The following PDE2A variants were observed in gnomAD, a reference collection of about 807,000 sequenced individuals.
The protein encoded by PDE2A is phosphodiesterase 2A, also known as cGMP-dependent 3',5'-cyclic phosphodiesterase.
A neutral mutation model predicts 133.6 loss-of-function variants in PDE2A; 53 were observed. The ratio of observed to expected loss-of-function variants is 0.40; its 90% CI spans 0.32 to 0.50. The LOEUF (loss-of-function observed/expected upper bound fraction) is 0.50, where lower values mean the gene tolerates loss of function less well. Among genes scored for constraint, PDE2A ranks in the 20% least tolerant of loss-of-function variants. The probability of loss-of-function intolerance (pLI) is 0.73; values close to 1 mark genes in which losing one functional copy is unlikely to be tolerated. For synonymous variants in PDE2A, 491 were observed against 490.2 expected (o/e 1.00, Z -0.02); for missense variants, 796 against 1,232.4 (o/e 0.65, Z 5.30).
At chr11:72,629,848 C>T (rs148898919) in intron 2 of PDE2A, among the ~76,000 whole-genome samples, 130 of 152,300 alleles carry the variant, frequency 8.5e-4, no homozygotes, top group African/African-American at 2.9e-3. Flanking sequence ...AATAGCAGCC[C>T]CTACCTCATG....
chr11:72,660,635 G>A (rs1174896915), intron 1 of PDE2A, among the ~76,000 whole-genome samples: 3 of 152,146 alleles, frequency 2.0e-5, no homozygotes, highest in African/African-American at 7.2e-5. Flanking sequence ...CAATCCTGCA[G>A]CTAAGAAGTA....
chr11:72,640,024 A>G lies in PDE2A; in HGVS notation c.144+2230T>C, dbSNP rs193129255. On this transcript the variant is annotated intron_variant, in intron 2 of 30. Coordinates refer to ENST00000334456, the MANE Select transcript of PDE2A (RefSeq NM_002599.5). ...TTCTACAGTCCTCAACACCCCCAACACACACACCGCCAGCTCACTGGCCAT... is the reference window on the plus strand; with the variant it reads ...TTCTACAGTCCTCAACACCCCCAACGCACACACCGCCAGCTCACTGGCCAT... Among the ~76,000 whole-genome samples, 37 of 151,988 alleles carry G rather than the reference A, an allele frequency of 2.4e-4. No individual in the cohort carries two copies. In the East Asian group the frequency reaches 6.6e-3, roughly 27 times the overall value.
At chr11:72,606,327 C>G (rs918701386) in intron 3 of PDE2A, among the ~76,000 whole-genome samples, 1 of 152,166 alleles carries the variant, frequency 6.6e-6, no homozygotes, top group Non-Finnish European at 1.5e-5. Context: ...TTGGGAGGAG[C>G]TGACAGTGGA....
At position 72,579,022 on chromosome 11, in the gene PDE2A, G is replaced by T; in HGVS notation, c.2357-13C>A. ...CGGTCGTAGCCCACTGTTGAGGGGA[G>T]GATGGGGTCAAGGAGCGGGGCCCAG... On this transcript the variant is annotated splice_polypyrimidine_tract_variant and intron_variant, in intron 27 of 30. Transcript: ENST00000334456. The T allele has an allele frequency of 6.3e-7, 1 of 1,579,164 alleles. No homozygotes were observed. The highest frequency in any genetic ancestry group is 8.7e-7 in the Non-Finnish European group (1 of 1,148,278).
In PDE2A at chr11:72,588,808, G is replaced by C. The variant is rs1222929764; in HGVS notation, c.1046C>G (p.Ala349Gly). ...ATDQVVALAC[A>G]FNKLEGDLFT... ...CAAGTCTCCTTCTAGCTTGTTGAAG[G>C]CGCAGGCCAAGGCCACCACCTGGTC... The change falls in exon 13 of 31, where the codon GCC (alanine) becomes GGC (glycine). Residue 349 changes from alanine (A) to glycine (G), a missense_variant. Ala to Gly is a moderately conservative substitution (Grantham distance 60). Around this residue, in one of 7 missense-constraint regions of PDE2A, gnomAD observed 417 missense variants for 475.3 expected, o/e 0.88. Coordinates refer to ENST00000334456, the MANE Select transcript of PDE2A (RefSeq NM_002599.5). 1.2e-6 allele frequency: 2 copies of C among 1,606,524 alleles called. No homozygotes were observed. Among genetic ancestry groups the C allele is most frequent in the Admixed American group, 1.7e-5 (1 of 59,588 alleles).
intron 2 of PDE2A, among the ~76,000 whole-genome samples, chr11:72,630,002 T>TCACA (rs60388212): frequency 1.3e-5 from 2 of 150,828 alleles, no homozygotes; most frequent in African/African-American, 4.9e-5. Context: ...TCTCTCTCTC[T>TCACA]CACACACACA....
chr11:72,589,325 G>T, intron 11 of PDE2A, 85 bp from the exon 12 acceptor site: 1 of 995,808 alleles, frequency 1.0e-6, no homozygotes, highest in Non-Finnish European at 1.6e-6. Flanking sequence ...AAATCTGGAA[G>T]TTTCAAAGAA....
chr11:72,580,739 G>T, intron 24 of PDE2A, 115 bp from the exon 25 acceptor site: 1 of 1,037,012 alleles, frequency 9.6e-7, no homozygotes, highest in Non-Finnish European at 1.5e-6. Flanking sequence ...CTATCTCAGA[G>T]CCAGGGGCAA....
chr11:72,596,643 C>A lies in PDE2A; in HGVS notation c.439G>T (p.Val147Phe). 6.7e-7 allele frequency: 1 copy of A among 1,499,410 alleles called. No homozygotes were observed. The highest frequency in any genetic ancestry group is 9.0e-7 in the Non-Finnish European group (1 of 1,116,236). 92.9% of individuals were successfully genotyped at this position (1,499,410 alleles called of 1,614,324 possible). ...GCCTCCTTGTCCGCTAGCGGCATGA[C>A]CAGCACTGAGGGGGAGAGGGCAATG... is the stretch of plus-strand genomic sequence containing the variant. ...APLAPDTQVL[V>F]MPLADKEAGA... is the part of the protein sequence containing the mutation. The change falls in exon 6 of 31, where the codon GTC becomes TTC. Residue 147 changes from valine to phenylalanine, a missense_variant. By Grantham distance (50) the Val-to-Phe change is conservative. Transcript: ENST00000334456.
In PDE2A at chr11:72,605,237, A is replaced by G; in HGVS notation, c.235-11T>C. On this transcript the variant is annotated splice_polypyrimidine_tract_variant and intron_variant, in intron 3 of 30. Coordinates refer to ENST00000334456, the MANE Select transcript of PDE2A (RefSeq NM_002599.5). Reference sequence around the variant, plus strand: ...GGTGTAGACAGTTTCCTAGGACAGAAGGCACTTATGAGACCCTGTGGAGAG... The same window carrying G: ...GGTGTAGACAGTTTCCTAGGACAGAGGGCACTTATGAGACCCTGTGGAGAG... The G allele has an allele frequency of 6.3e-7, 1 of 1,588,336 alleles. No homozygotes were observed. Among genetic ancestry groups the G allele is most frequent in the South Asian group, 1.1e-5 (1 of 87,360 alleles).
chr11:72,608,589 T>G (rs973002221), intron 3 of PDE2A, 73 bp downstream of exon 3: 1 of 765,042 alleles, frequency 1.3e-6, no homozygotes. Flanking sequence ...TGGCCCTGAG[T>G]GAGGTACAGC....
intron 1 of PDE2A, among the ~76,000 whole-genome samples, chr11:72,653,470 A>T (rs1854803365): frequency 6.6e-6 from 1 of 152,018 alleles, no homozygotes; most frequent in Non-Finnish European, 1.5e-5. Context: ...GCGAGGCTCC[A>T]CTCCCGACTC....
chr11:72,644,979 T>C (rs984032122), intron 1 of PDE2A, among the ~76,000 whole-genome samples: 1 of 152,120 alleles, frequency 6.6e-6, no homozygotes, highest in Non-Finnish European at 1.5e-5. Context: ...ATGGTCTCGA[T>C]CTCTTGACCT....
intron 2 of PDE2A, among the ~76,000 whole-genome samples, chr11:72,626,626 C>T (rs1858088095): frequency 6.6e-6 from 1 of 152,210 alleles, no homozygotes; most frequent in African/African-American, 2.4e-5. Context: ...GGAGCCTTCT[C>T]CCCTCCCACT....
At position 72,630,279 on chromosome 11, in the gene PDE2A, G is replaced by A. The variant is rs548968383; in HGVS notation, c.144+11975C>T. ...CTCACAGTGCAGAGAAGACAAGGCA[G>A]ACACACATACAGAGTCACGTGATGG... On this transcript the variant is annotated intron_variant, in intron 2 of 30. Transcript: ENST00000334456. Among the ~76,000 whole-genome samples, 55 of 152,298 alleles carry A rather than the reference G, an allele frequency of 3.6e-4. 1 individual carries two copies. The highest frequency in any genetic ancestry group is 1.3e-3 in the African/African-American group (53 of 41,562).
Position 72,610,827 on chromosome 11 carries a change from C to T in PDE2A, c.145-2076G>A, listed in dbSNP as rs550996896. Among the ~76,000 whole-genome samples the T allele has an allele frequency of 8.5e-5, 13 of 152,228 alleles. 1 individual carries two copies. Among genetic ancestry groups the T allele is most frequent in the African/African-American group, 1.9e-4 (8 of 41,536 alleles). On this transcript the variant is annotated intron_variant, in intron 2 of 30. Coordinates refer to ENST00000334456, the MANE Select transcript of PDE2A (RefSeq NM_002599.5). The stretch of plus-strand genomic sequence containing the variant: ...CAGGCCTTCAGACACCATCCATGTG[C>T]GCACACACACACACGTTCTCACTGG...
intron 1 of PDE2A, among the ~76,000 whole-genome samples, chr11:72,652,291 T>C (rs1029015877): frequency 6.6e-6 from 1 of 152,192 alleles, no homozygotes; most frequent in East Asian, 1.9e-4. Context: ...GTGTTTTGTT[T>C]TTTTGAGATG....
At position 72,582,306 on chromosome 11, in the gene PDE2A, GC is replaced by G. The variant is rs1278392254; in HGVS notation, c.1851+137del. The G allele has an allele frequency of 4.9e-6, 4 of 824,556 alleles. No homozygotes were observed. In the African/African-American group the frequency reaches 6.9e-5, roughly 14 times the overall value. The allele number at this position is 824,556 out of a possible 1,614,324, so 51.1% of individuals were successfully genotyped here. On this transcript the variant is annotated intron_variant, in intron 21 of 30. Coordinates refer to ENST00000334456, the MANE Select transcript of PDE2A (RefSeq NM_002599.5). The stretch of plus-strand genomic sequence containing the variant: ...ATGGCTTCCTGATGGCAGACTACAA[GC>G]CCCTCCATCTCTGAGGGACCCTCCA...
chr11:72,664,075 C>T (rs1017717048), intron 1 of PDE2A, among the ~76,000 whole-genome samples: 1 of 152,142 alleles, frequency 6.6e-6, no homozygotes, highest in Non-Finnish European at 1.5e-5. Flanking sequence ...TGGGTATTCA[C>T]CCCCTCACCC....
Sources: allele counts gnomAD v4.1 joint callset (sites outside exome capture counted in the v4.1 genomes callset), GRCh38; gene constraint gnomAD v4.1.1; regional missense constraint gnomAD v4.1.1; transcripts MANE v1.5; gene names NCBI Gene and HGNC (gene_info 2026-07-23, HGNC 2026-07-21).